The following ALPL variants were observed in gnomAD, a reference collection of about 807,000 sequenced individuals.
ALPL encodes the protein alkaline phosphatase, tissue-nonspecific isozyme.
In ALPL, 42 loss-of-function variants were observed where a neutral mutation model predicts 51.3. The ratio of observed to expected loss-of-function variants is 0.82; its 90% confidence interval spans 0.64 to 1.06. The LOEUF (loss-of-function observed/expected upper bound fraction) is 1.06. Among genes scored for constraint, ALPL ranks in the 50% least tolerant of loss-of-function variants. ALPL has a pLI of 0.00. For synonymous variants in ALPL, 279 were observed against 296.4 expected (o/e 0.94, Z 0.60); for missense variants, 589 against 709.4 (o/e 0.83, Z 1.93).
intron 1 of ALPL, among the ~76,000 whole-genome samples, chr1:21,536,355 T>C (rs1477146197): frequency 6.6e-6 from 1 of 152,204 alleles, no homozygotes; most frequent in African/African-American, 2.4e-5. Context: ...ATTTGGTTGC[T>C]CACAATCTAA....
chr1:21,577,619 G>A lies in ALPL; in HGVS notation c.1546G>A (p.Ala516Thr), dbSNP rs772346350. ...TGCAGGCCCCCTGCTGCTCGCGCTGGCCCTCTACCCCCTGAGCGTCCTGTT... is the reference window on the plus strand; with the variant it reads ...TGCAGGCCCCCTGCTGCTCGCGCTGACCCTCTACCCCCTGAGCGTCCTGTT... ...LAAGPLLLAL[A>T]LYPLSVLF The change falls in exon 12 of 12, where the codon GCC becomes ACC. Residue 516 changes from alanine (A) to threonine (T), a missense_variant. Transcript: ENST00000374840. 6.3e-7 allele frequency: 1 copy of A among 1,599,378 alleles called. No individual in the cohort carries two copies. The highest frequency in any genetic ancestry group is 2.2e-5 in the East Asian group (1 of 44,800).
intron 1 of ALPL, among the ~76,000 whole-genome samples, chr1:21,530,245 T>C (rs112385900): frequency 0.024 from 3,715 of 152,234 alleles, 168 homozygotes; most frequent in African/African-American, 0.083. Flanking sequence ...AAAACATCAC[T>C]AAACCTAGGC....
At chr1:21,545,639 G>A (rs75434377) in intron 1 of ALPL, among the ~76,000 whole-genome samples, 19,994 of 151,876 alleles carry the variant, frequency 0.13, 2,072 homozygotes, top group East Asian at 0.5. Context: ...TGTTCAAACC[G>A]TGTTCAAATG....
At chr1:21,513,287 C>G (rs534196163) in intron 1 of ALPL, among the ~76,000 whole-genome samples, 1 of 152,140 alleles carries the variant, frequency 6.6e-6, no homozygotes, top group Non-Finnish European at 1.5e-5. Context: ...AATTCAGTCT[C>G]CTGGCCTTAA....
chr1:21,537,845 C>T (rs756286264), intron 1 of ALPL, among the ~76,000 whole-genome samples: 1 of 152,220 alleles, frequency 6.6e-6, no homozygotes, highest in Non-Finnish European at 1.5e-5. Flanking sequence ...ATCATTTGCA[C>T]TTCACTGGAA....
intron 1 of ALPL, among the ~76,000 whole-genome samples, chr1:21,516,426 C>T (rs1406896746): frequency 7.2e-6 from 1 of 137,936 alleles, no homozygotes; most frequent in Admixed American, 7.6e-5. Context: ...AGTCCATAGA[C>T]TATAAGCCCA....
chr1:21,542,023 A>G (rs1644193424), intron 1 of ALPL, among the ~76,000 whole-genome samples: 1 of 152,170 alleles, frequency 6.6e-6, no homozygotes, highest in Non-Finnish European at 1.5e-5. Context: ...ACCACCACAC[A>G]TTCCTGCGCA....
At chr1:21,515,013 G>A (rs1231041682) in intron 1 of ALPL, among the ~76,000 whole-genome samples, 13 of 152,012 alleles carry the variant, frequency 8.6e-5, no homozygotes, top group South Asian at 4.2e-4. Context: ...ACCCTGTAGT[G>A]AGGCCCTGAC....
chr1:21,551,243 G>A (rs1311427186), intron 1 of ALPL: 3 of 152,152 alleles, frequency 2.0e-5, no homozygotes, highest in African/African-American at 7.2e-5. Context: ...CAAGCACTAG[G>A]AGGGCAGAGA....
chr1:21,509,305 CGGGGCCGGGGCCGGGCTGGGGAG>C (rs1643631240), upstream of ALPL: 1 of 27,320 alleles, frequency 3.7e-5, no homozygotes, highest in African/African-American at 1.5e-4. This position sits in a 1 kb window ranked among gnomAD's most constrained non-coding sequence, Gnocchi z 6.0. Context: ...GGGCCGGGGG[CGGGGCCGGGGCCGGGCTGGGGAG>C]GGGTTGGGGC....
At position 21,511,076 on chromosome 1, in the gene ALPL, A is replaced by G. The variant is rs1643678130; in HGVS notation, c.-105+1559A>G. Among the ~76,000 whole-genome samples, 3 of 152,212 alleles carry G rather than the reference A, an allele frequency of 2.0e-5. No individual in the cohort carries two copies. In the South Asian group the frequency reaches 6.2e-4, roughly 32 times the overall value. ...AACAAGATGCTATCTTCATTCAGCAAATACTTAAGCATCCGCCGTGTGCCA... is the reference window on the plus strand; with the variant it reads ...AACAAGATGCTATCTTCATTCAGCAGATACTTAAGCATCCGCCGTGTGCCA... On this transcript the variant is annotated intron_variant, in intron 1 of 11. Transcript: ENST00000374840.
At chr1:21,557,573 C>G (rs1446187211) in intron 2 of ALPL, among the ~76,000 whole-genome samples, 1 of 152,190 alleles carries the variant, frequency 6.6e-6, no homozygotes, top group Non-Finnish European at 1.5e-5. Flanking sequence ...GAAAAATCTT[C>G]AAACGTTCAG....
At chr1:21,522,860 C>G (rs559461948) in intron 1 of ALPL, among the ~76,000 whole-genome samples, 1 of 152,288 alleles carries the variant, frequency 6.6e-6, no homozygotes, top group Admixed American at 6.5e-5. Context: ...ACAGTAACAG[C>G]TCATATTAAC....
Position 21,564,032 on chromosome 1 carries a change from G to C in ALPL, c.473-9G>C, listed in dbSNP as rs1170587063. The stretch of plus-strand genomic sequence containing the variant: ...GGATAAAGCCAAACCCGCCCCTCCT[G>C]CACCCCAGGGAAATCTGTGGGCATT... On this transcript the variant is annotated splice_polypyrimidine_tract_variant and intron_variant, in intron 5 of 11. Coordinates refer to ENST00000374840, the MANE Select transcript of ALPL (RefSeq NM_000478.6). This position sits in a 1 kb window ranked among gnomAD's most constrained non-coding sequence, Gnocchi z 5.8. 6.2e-7 allele frequency: 1 copy of C among 1,613,314 alleles called. No individual in the cohort carries two copies. Among genetic ancestry groups the C allele is most frequent in the African/African-American group, 1.3e-5 (1 of 74,894 alleles).
chr1:21,519,232 T>G (rs946005104), intron 1 of ALPL, among the ~76,000 whole-genome samples: 1 of 152,122 alleles, frequency 6.6e-6, no homozygotes, highest in Non-Finnish European at 1.5e-5. Flanking sequence ...GGACTGAACA[T>G]GGGCACAGCT....
intron 1 of ALPL, among the ~76,000 whole-genome samples, chr1:21,532,263 C>G (rs1644040581): frequency 6.6e-6 from 1 of 152,104 alleles, no homozygotes; most frequent in Non-Finnish European, 1.5e-5. Flanking sequence ...GTGATCTCAG[C>G]TTGCTGCAAC....
In ALPL at chr1:21,560,702, C is replaced by T; in HGVS notation, c.138C>T (p.Leu46=). The T allele has an allele frequency of 6.2e-7, 1 of 1,614,142 alleles. No individual in the cohort carries two copies. The highest frequency in any genetic ancestry group is 8.5e-7 in the Non-Finnish European group (1 of 1,180,022). ...AATATGCCCTGGAGCTTCAGAAGCT[C>T]AACACCAACGTGGCTAAGAATGTCA... ...TLKYALELQK[L]NTNVAKNVIM... is the part of the protein sequence containing the mutation. The change falls in exon 3 of 12, where the codon CTC becomes CTT. Residue 46 remains leucine (L), a synonymous_variant. Coordinates refer to ENST00000374840, the MANE Select transcript of ALPL (RefSeq NM_000478.6).
At chr1:21,561,394 C>T (rs145766613) in intron 4 of ALPL, among the ~76,000 whole-genome samples, 182 bp downstream of exon 4, 97 of 152,244 alleles carry the variant, frequency 6.4e-4, no homozygotes, top group Non-Finnish European at 1.2e-3. Flanking sequence ...TACCTGCTTG[C>T]GGGTGTGTGT....
chr1:21,577,227 G>A (rs944900944), intron 11 of ALPL, among the ~76,000 whole-genome samples, 156 bp from the exon 12 acceptor site: 1 of 152,196 alleles, frequency 6.6e-6, no homozygotes, highest in Non-Finnish European at 1.5e-5. Flanking sequence ...TTCAAATCCC[G>A]TGGCCTTAGG....
Sources: allele counts gnomAD v4.1 joint callset (sites outside exome capture counted in the v4.1 genomes callset), GRCh38; gene constraint gnomAD v4.1.1; non-coding constraint Gnocchi (gnomAD v3.1); transcripts MANE v1.5; gene names NCBI Gene and HGNC (gene_info 2026-07-23, HGNC 2026-07-21).